The following PPFIBP2 variants were observed in gnomAD, a reference collection of about 807,000 sequenced individuals.
PPFIBP2 encodes the protein PPFIB scaffold protein 2.
A neutral mutation model predicts 118.3 loss-of-function variants in PPFIBP2; 118 were observed. The ratio of observed to expected loss-of-function variants is 1.00; its 90% CI spans 0.86 to 1.16. The LOEUF (loss-of-function observed/expected upper bound fraction) is 1.16. PPFIBP2 is among the 50% of genes most tolerant of loss of function. The probability of loss-of-function intolerance (pLI) is 0.00; values close to 1 mark genes in which losing one functional copy is unlikely to be tolerated. For synonymous variants in PPFIBP2, 414 were observed against 397.4 expected, an observed-to-expected ratio of 1.04 and a Z score of -0.50; for missense variants, 1,195 against 1,073.1, an observed-to-expected ratio of 1.11 and a Z score of -1.59.
At chr11:7,539,508 C>G (rs1851554484) in intron 1 of PPFIBP2, 1 of 152,502 alleles carries the variant, frequency 6.6e-6, no homozygotes, top group Non-Finnish European at 1.5e-5. Flanking sequence ...ACAACTTGAA[C>G]TGCTACGCTG....
intron 3 of PPFIBP2, among the ~76,000 whole-genome samples, chr11:7,591,089 A>G (rs950064892): frequency 2.0e-5 from 3 of 147,550 alleles, no homozygotes; most frequent in Non-Finnish European, 4.5e-5. Context: ...AACTGAATTT[A>G]TGATTTCAAC....
At chr11:7,665,536 G>A in the PPFIBP2 span, 3 of 1,604,632 alleles carry the variant, frequency 1.9e-6, no homozygotes, top group Non-Finnish European at 2.5e-6. Flanking sequence ...AGCCTGAGCT[G>A]TACTTCCAGC....
At chr11:7,593,824 G>A (rs1172053781) in intron 4 of PPFIBP2, among the ~76,000 whole-genome samples, 3 of 152,228 alleles carry the variant, frequency 2.0e-5, no homozygotes, top group Non-Finnish European at 4.4e-5. Context: ...GTGTGCCTTG[G>A]TAGGACATAG....
Position 7,642,279 on chromosome 11 carries a change from T to C in PPFIBP2, c.1518-19T>C. On this transcript the variant is annotated intron_variant, in intron 16 of 23. Transcript: ENST00000299492. Reference sequence around the variant, plus strand: ...TCTGACTATTCCATGACCGTCTCCATGGATTCTTCTCCATGCAGAATCCGA... The same window carrying C: ...TCTGACTATTCCATGACCGTCTCCACGGATTCTTCTCCATGCAGAATCCGA... 1 of 1,613,420 alleles carries C rather than the reference T, an allele frequency of 6.2e-7. No homozygotes were observed. Among genetic ancestry groups the C allele is most frequent in the Non-Finnish European group, 8.5e-7 (1 of 1,179,732 alleles).
intron 5 of PPFIBP2, among the ~76,000 whole-genome samples, chr11:7,600,566 C>G (rs1288963228): frequency 6.6e-6 from 1 of 152,228 alleles, no homozygotes; most frequent in Admixed American, 6.5e-5. Context: ...AAACAATTGC[C>G]TCTTTCTGCC....
At chr11:7,558,529 G>A (rs1853909225) in intron 2 of PPFIBP2, among the ~76,000 whole-genome samples, 1 of 152,206 alleles carries the variant, frequency 6.6e-6, no homozygotes. Context: ...GCTGAGGCAG[G>A]CAGATCACGA....
At chr11:7,521,391 C>A (rs1044577274) in intron 1 of PPFIBP2, among the ~76,000 whole-genome samples, 3 of 152,208 alleles carry the variant, frequency 2.0e-5, no homozygotes, top group African/African-American at 7.2e-5. Context: ...AGCTCTCCAG[C>A]TGCCTCTCCA....
At chr11:7,595,582 T>C (rs893113081) in intron 4 of PPFIBP2, among the ~76,000 whole-genome samples, 1 of 152,208 alleles carries the variant, frequency 6.6e-6, no homozygotes, top group African/African-American at 2.4e-5. Context: ...TTGACCCTAG[T>C]AGTTTCTACT....
At chr11:7,658,401 G>GT (rs1475340308), downstream of PPFIBP2, among the ~76,000 whole-genome samples, 8 of 104,526 alleles carry the variant, frequency 7.7e-5, no homozygotes, top group African/African-American at 3.4e-4. Flanking sequence ...GCGGTGTTTG[G>GT]TTTTTTGTTC....
At chr11:7,536,506 G>C (rs1308731639) in intron 1 of PPFIBP2, among the ~76,000 whole-genome samples, 1 of 152,140 alleles carries the variant, frequency 6.6e-6, no homozygotes, top group Admixed American at 6.5e-5. Flanking sequence ...AGTGATGATC[G>C]AAGATTAGGG....
At chr11:7,601,995 AG>A (rs1846694916) in intron 5 of PPFIBP2, among the ~76,000 whole-genome samples, 1 of 147,824 alleles carries the variant, frequency 6.8e-6, no homozygotes, top group South Asian at 2.2e-4. Context: ...TGGGAGGCTG[AG>A]TCAGGAGAAT....
At chr11:7,638,491 TCAAA>T (rs1463026656) in intron 14 of PPFIBP2, among the ~76,000 whole-genome samples, 2 of 152,220 alleles carry the variant, frequency 1.3e-5, no homozygotes, top group Non-Finnish European at 2.9e-5. Flanking sequence ...GAACTGAATC[TCAAA>T]CAATTTCTAG....
intron 8 of PPFIBP2, among the ~76,000 whole-genome samples, chr11:7,626,795 C>T (rs1850074553): frequency 2.6e-5 from 4 of 152,238 alleles, no homozygotes; most frequent in South Asian, 2.1e-4. Context: ...ATCATATAGT[C>T]CTACGGATTG....
intron 17 of PPFIBP2, among the ~76,000 whole-genome samples, chr11:7,644,627 G>C (rs922421017): frequency 7.9e-5 from 12 of 152,098 alleles, no homozygotes; most frequent in Admixed American, 5.9e-4. Flanking sequence ...TGAATGTAAA[G>C]ATGCTTAAGC....
intron 3 of PPFIBP2, among the ~76,000 whole-genome samples, chr11:7,587,859 A>G (rs1056384188): frequency 2.0e-5 from 3 of 152,108 alleles, no homozygotes; most frequent in African/African-American, 7.2e-5. Context: ...ACATAATTAC[A>G]GTAAAGGCGA....
the PPFIBP2 span, chr11:7,665,519 G>GT: frequency 6.2e-7 from 1 of 1,612,128 alleles, no homozygotes; most frequent in Non-Finnish European, 8.5e-7. Context: ...CATGTCGGCA[G>GT]TAACGAAGCC....
At position 7,549,079 on chromosome 11, in the gene PPFIBP2, C is replaced by T. The variant is rs557218782; in HGVS notation, c.-36-361C>T. Among the ~76,000 whole-genome samples, 14 of 152,330 alleles carry T rather than the reference C, an allele frequency of 9.2e-5. No individual in the cohort carries two copies. The South Asian group carries it at 2.7e-3, about 29-fold the overall frequency. On this transcript the variant is annotated intron_variant, in intron 1 of 23. Transcript: ENST00000299492. ...CCTGACAGTGTCCCTGTTAGGTGTG[C>T]TGCTCTCCTACGCCACTTAGTGGCG... is the stretch of plus-strand genomic sequence containing the variant.
At chr11:7,617,363 T>C in intron 6 of PPFIBP2, 5 of 943,874 alleles carry the variant, frequency 5.3e-6, no homozygotes, top group Non-Finnish European at 6.3e-6. Context: ...GGGGCTGGGG[T>C]TTCTCCTAAC....
chr11:7,655,648 G>A (rs1029031535), downstream of PPFIBP2: 4 of 589,004 alleles, frequency 6.8e-6, no homozygotes, highest in African/African-American at 1.9e-5. Context: ...AGCCAGCCAC[G>A]AGGCAGAAAG....
Sources: gnomAD v4.1 joint callset for allele counts (sites outside exome capture counted in the v4.1 genomes callset) on GRCh38, gnomAD v4.1.1 for gene constraint, MANE v1.5 for transcripts, NCBI Gene and HGNC (gene_info 2026-07-23, HGNC 2026-07-21) for gene names.